The following SH3RF3 variants were observed in gnomAD, a reference collection of about 807,000 sequenced individuals.
SH3RF3 encodes E3 ubiquitin-protein ligase SH3RF3.
SH3RF3 carries 29 observed loss-of-function variants against 66.3 expected under a neutral mutation model. The ratio of observed to expected loss-of-function variants is 0.44; its 90% confidence interval spans 0.33 to 0.60. The LOEUF (loss-of-function observed/expected upper bound fraction) is 0.60, where lower values mean the gene tolerates loss of function less well. Ranked by LOEUF, SH3RF3 falls within the 20% of genes least tolerant of loss-of-function variation. SH3RF3 has a pLI of 0.04. For synonymous variants in SH3RF3, 583 were observed against 532.0 expected, an observed-to-expected ratio of 1.10 and a Z score of -1.32; for missense variants, 1,194 against 1,190.9, an observed-to-expected ratio of 1.00 and a Z score of -0.04.
intron 2 of SH3RF3, among the ~76,000 whole-genome samples, chr2:109,358,478 G>A (rs927329444): frequency 6.6e-6 from 1 of 152,216 alleles, no homozygotes; most frequent in African/African-American, 2.4e-5. Flanking sequence ...TTTCCAAACT[G>A]TGTTCCAAAG....
chr2:109,203,853 CCTA>C (rs1278637838), intron 1 of SH3RF3, among the ~76,000 whole-genome samples: 7 of 152,184 alleles, frequency 4.6e-5, no homozygotes, highest in Admixed American at 2.6e-4. Context: ...TGCCTCGCTA[CCTA>C]CCCCTGGGCC....
intron 2 of SH3RF3, among the ~76,000 whole-genome samples, chr2:109,365,960 C>T (rs951612369): frequency 5.3e-5 from 8 of 152,146 alleles, no homozygotes; most frequent in Non-Finnish European, 1.0e-4. Context: ...TTTAGAAGCA[C>T]AAGAAAATTA....
At chr2:109,319,758 G>A (rs570705796) in intron 1 of SH3RF3, among the ~76,000 whole-genome samples, 18 of 152,344 alleles carry the variant, frequency 1.2e-4, no homozygotes, top group East Asian at 7.7e-4. Context: ...TGTCCAGGCC[G>A]TGTGTGGCTG....
At chr2:109,490,573 C>G in intron 8 of SH3RF3, 32 bp from the exon 9 acceptor site, 3 of 1,399,220 alleles carry the variant, frequency 2.1e-6, no homozygotes, top group Non-Finnish European at 2.8e-6. Context: ...AAGCATTCAC[C>G]TGTTTGGTTT....
chr2:109,480,513 A>G (rs540139157), intron 8 of SH3RF3, among the ~76,000 whole-genome samples: 1 of 152,258 alleles, frequency 6.6e-6, no homozygotes, highest in South Asian at 2.1e-4. Context: ...TAGGGAGGTG[A>G]CATCAGACTG....
intron 2 of SH3RF3, 127 bp downstream of exon 2, chr2:109,348,076 A>T (rs1682758490): frequency 7.6e-7 from 1 of 1,315,242 alleles, no homozygotes; most frequent in African/African-American, 1.5e-5. Context: ...TCCTCCCGGA[A>T]CCCTGGGCAA....
intron 7 of SH3RF3, among the ~76,000 whole-genome samples, chr2:109,442,034 A>G (rs1373574036): frequency 6.6e-6 from 1 of 152,226 alleles, no homozygotes; most frequent in Non-Finnish European, 1.5e-5. Context: ...ACTATTGGCC[A>G]GGCACAGTGG....
chr2:109,381,303 C>T (rs1407424033), intron 3 of SH3RF3, among the ~76,000 whole-genome samples: 13 of 152,232 alleles, frequency 8.5e-5, no homozygotes, highest in Admixed American at 8.5e-4. Flanking sequence ...CTCCCCTAGG[C>T]TCCAGCTGTT....
At chr2:109,203,994 G>T (rs1678748153) in intron 1 of SH3RF3, among the ~76,000 whole-genome samples, 1 of 152,216 alleles carries the variant, frequency 6.6e-6, no homozygotes, top group Non-Finnish European at 1.5e-5. Flanking sequence ...GGGCTTGAAG[G>T]GGCTCTGAGT....
intron 7 of SH3RF3, among the ~76,000 whole-genome samples, chr2:109,439,853 C>G (rs1485614880): frequency 2.0e-5 from 3 of 152,020 alleles, no homozygotes; most frequent in African/African-American, 7.2e-5. Context: ...AAACAAAGTT[C>G]TGTGGTGGGT....
chr2:109,395,743 G>A (rs1398275331), intron 3 of SH3RF3, among the ~76,000 whole-genome samples: 1 of 152,170 alleles, frequency 6.6e-6, no homozygotes, highest in Non-Finnish European at 1.5e-5. Context: ...ACTGCTGAGG[G>A]GCCAGGCACT....
intron 3 of SH3RF3, among the ~76,000 whole-genome samples, chr2:109,385,378 C>T (rs1432261300): frequency 6.6e-6 from 1 of 152,238 alleles, no homozygotes. Flanking sequence ...CCTCCCATGT[C>T]ACTCTGCAGA....
At chr2:109,244,734 G>A (rs1679870900) in intron 1 of SH3RF3, among the ~76,000 whole-genome samples, 1 of 152,180 alleles carries the variant, frequency 6.6e-6, no homozygotes, top group Non-Finnish European at 1.5e-5. Flanking sequence ...AGGAGTCAAA[G>A]TCACTCAGAA....
At chr2:109,465,381 A>G (rs569675383) in intron 8 of SH3RF3, among the ~76,000 whole-genome samples, 1 of 152,326 alleles carries the variant, frequency 6.6e-6, no homozygotes, top group South Asian at 2.1e-4. Flanking sequence ...GTAAAAGTAC[A>G]TTTAGTTTTG....
intron 1 of SH3RF3, among the ~76,000 whole-genome samples, chr2:109,181,687 G>T (rs936254296): frequency 2.0e-5 from 3 of 152,162 alleles, no homozygotes; most frequent in Admixed American, 2.0e-4. Context: ...GCCACAGGGG[G>T]TTCCTATTCT....
intron 1 of SH3RF3, among the ~76,000 whole-genome samples, chr2:109,321,039 C>T (rs925348236): frequency 2.6e-5 from 4 of 152,162 alleles, no homozygotes; most frequent in African/African-American, 9.7e-5. Flanking sequence ...AAAATGGCTG[C>T]TCTTACTGAT....
At chr2:109,227,753 G>T (rs979532301) in intron 1 of SH3RF3, among the ~76,000 whole-genome samples, 4 of 152,214 alleles carry the variant, frequency 2.6e-5, no homozygotes, top group African/African-American at 9.6e-5. Flanking sequence ...CGGGTCCAAC[G>T]CAAGTTCTTT....
At chr2:109,179,855 C>T (rs1469969214) in intron 1 of SH3RF3, among the ~76,000 whole-genome samples, 1 of 152,208 alleles carries the variant, frequency 6.6e-6, no homozygotes, top group Admixed American at 6.5e-5. Flanking sequence ...ACCACGCTGT[C>T]TCTTACCCCT....
intron 4 of SH3RF3, among the ~76,000 whole-genome samples, chr2:109,403,311 G>A (rs1676364661): frequency 1.3e-5 from 2 of 152,170 alleles, no homozygotes; most frequent in African/African-American, 2.4e-5. Flanking sequence ...TTCTTCTGCT[G>A]ATCTCACCTC....
Sources: gnomAD v4.1 joint callset for allele counts (sites outside exome capture counted in the v4.1 genomes callset) on GRCh38, gnomAD v4.1.1 for gene constraint, MANE v1.5 for transcripts, NCBI Gene and HGNC (gene_info 2026-07-23, HGNC 2026-07-21) for gene names.